The following HINT3 variants were observed in gnomAD, a reference collection of about 807,000 sequenced individuals.
HINT3 encodes the protein histidine triad nucleotide binding protein 3, also known as adenosine 5'-monophosphoramidase HINT3.
HINT3 carries 16 observed loss-of-function variants against 19.1 expected under a neutral mutation model. The ratio of observed to expected loss-of-function variants is 0.84; its 90% CI spans 0.57 to 1.27. The LOEUF (loss-of-function observed/expected upper bound fraction) is 1.27, where lower values mean the gene tolerates loss of function less well. Ranked by LOEUF, HINT3 falls within the 50% of genes most tolerant of loss-of-function variation. The pLI is 0.00. For missense variants in HINT3, 197 were observed against 225.8 expected (o/e 0.87, Z 0.82); for synonymous variants, 75 against 84.8 (o/e 0.88, Z 0.63).
intron 1 of HINT3, among the ~76,000 whole-genome samples, chr6:125,961,764 T>C (rs56738786): frequency 1.3e-3 from 202 of 151,938 alleles, no homozygotes; most frequent in African/African-American, 4.6e-3. Flanking sequence ...TTTTATGGAG[T>C]CTTCATTGGA....
At position 125,964,969 on chromosome 6, in the gene HINT3, C is replaced by G. The variant is rs186874581; in HGVS notation, c.202-1918C>G. ...GTAGGCTAACTAAAACATCAAGTTT[C>G]TATATTTTTGAGAGGAATTTTATCT... On this transcript the variant is annotated intron_variant, in intron 1 of 4. Coordinates refer to ENST00000229633, the MANE Select transcript of HINT3 (RefSeq NM_138571.5). Among the ~76,000 whole-genome samples, 201 of 152,030 alleles carry G rather than the reference C, an allele frequency of 1.3e-3. 2 individuals are homozygous for G. The highest frequency in any genetic ancestry group is 1.3e-3 in the Non-Finnish European group (90 of 67,960).
intron 1 of HINT3, among the ~76,000 whole-genome samples, chr6:125,965,547 G>A (rs577823628): frequency 5.9e-5 from 9 of 152,224 alleles, no homozygotes; most frequent in African/African-American, 1.9e-4. Flanking sequence ...GATCGCTTGA[G>A]TCCAGGAGTT....
intron 4 of HINT3, among the ~76,000 whole-genome samples, chr6:125,976,623 GA>G (rs1317207574): frequency 3.5e-5 from 5 of 143,314 alleles, no homozygotes; most frequent in Non-Finnish European, 7.5e-5. Context: ...AAAGATGAAT[GA>G]AAATACATTT....
intron 1 of HINT3, among the ~76,000 whole-genome samples, chr6:125,961,440 A>G (rs1788924908): frequency 6.6e-6 from 1 of 152,168 alleles, no homozygotes. Context: ...AGTCCCCAAG[A>G]CTGGCCTGCC....
At chr6:125,976,271 T>A (rs1422662604) in intron 4 of HINT3, among the ~76,000 whole-genome samples, 1 of 151,940 alleles carries the variant, frequency 6.6e-6, no homozygotes, top group East Asian at 1.9e-4. Context: ...ATTAGCTGGG[T>A]ATGGTGGTGC....
At chr6:125,974,786 C>T in intron 3 of HINT3, 61 bp from the exon 4 acceptor site, 1 of 1,549,782 alleles carries the variant, frequency 6.5e-7, no homozygotes, top group South Asian at 1.2e-5. Context: ...TGTGTTTTCA[C>T]CTGAAAAATG....
At position 125,973,065 on chromosome 6, in the gene HINT3, CTTTTTTTTTT is replaced by C. The variant is rs869084942; in HGVS notation, c.389+756_389+765del. On this transcript the variant is annotated intron_variant, in intron 3 of 4. Coordinates refer to ENST00000229633, the MANE Select transcript of HINT3 (RefSeq NM_138571.5). ...AAGCACATGATGTTCAATTTTTCAA[CTTTTTTTTTT>C]TTTTTTTTTTTTTTTTTTGAGACGG... is the stretch of plus-strand genomic sequence containing the variant. Among the ~76,000 whole-genome samples, 191 of 74,482 alleles carry C rather than the reference CTTTTTTTTTT, an allele frequency of 2.6e-3. 1 individual carries two copies. The highest frequency in any genetic ancestry group is 7.3e-3 in the African/African-American group (137 of 18,660). The allele number at this position is 74,482 out of a possible 152,430, so 48.9% of individuals were successfully genotyped here.
chr6:125,959,547 A>C (rs1290847326), intron 1 of HINT3, among the ~76,000 whole-genome samples: 1 of 152,180 alleles, frequency 6.6e-6, no homozygotes, highest in Non-Finnish European at 1.5e-5. Context: ...TGAGGAGAGC[A>C]ATTTCATGAA....
chr6:125,976,674 T>G (rs924714878), intron 4 of HINT3, among the ~76,000 whole-genome samples: 3 of 152,012 alleles, frequency 2.0e-5, no homozygotes, highest in African/African-American at 7.2e-5. Flanking sequence ...GGAAATACTT[T>G]TTTACTTGGA....
intron 4 of HINT3, among the ~76,000 whole-genome samples, chr6:125,976,229 T>C (rs1313701416): frequency 3.3e-5 from 5 of 152,080 alleles, no homozygotes; most frequent in Non-Finnish European, 5.9e-5. Flanking sequence ...GTTGCCCAGA[T>C]GATTTCATTT....
intron 2 of HINT3, 89 bp downstream of exon 2, chr6:125,967,093 A>G: frequency 1.3e-6 from 1 of 756,924 alleles, no homozygotes; most frequent in Non-Finnish European, 2.1e-6. Flanking sequence ...AAGTCTAGTT[A>G]AGTACTGTGA....
At position 125,962,213 on chromosome 6, in the gene HINT3, C is replaced by CACAT. The variant is rs1379047401; in HGVS notation, c.202-4673_202-4672insCATA. ...ACATATATATATATATATATATACA[C>CACAT]ATATATATATATATATATATACACA... On this transcript the variant is annotated intron_variant, in intron 1 of 4. Transcript: ENST00000229633. 9.6e-4 allele frequency among the ~76,000 whole-genome samples: 35 copies of CACAT among 36,292 alleles called. 5 individuals are homozygous for CACAT. Among genetic ancestry groups the CACAT allele is most frequent in the Admixed American group, 5.4e-3 (16 of 2,958 alleles). 23.8% of individuals were successfully genotyped at this position (36,292 alleles called of 152,430 possible).
In HINT3 at chr6:125,977,629, G is replaced by GT. The variant is rs1562216175; in HGVS notation, c.517-9dup. 3 of 1,379,638 alleles carry GT rather than the reference G, an allele frequency of 2.2e-6. No homozygotes were observed. Among genetic ancestry groups the GT allele is most frequent in the South Asian group, 1.3e-5 (1 of 76,348 alleles). 85.5% of individuals were successfully genotyped at this position (1,379,638 alleles called of 1,614,324 possible). On this transcript the variant is annotated splice_polypyrimidine_tract_variant and intron_variant, in intron 4 of 4. Transcript: ENST00000229633. Reference sequence around the variant, plus strand: ...TATGATATCTAGAATTAAAAAGTATGTTTTTTAATTACAGGCTGATCACTT... The same window carrying GT: ...TATGATATCTAGAATTAAAAAGTATGTTTTTTTAATTACAGGCTGATCACTT...
At chr6:125,976,873 C>T (rs1034665985) in intron 4 of HINT3, among the ~76,000 whole-genome samples, 2 of 152,236 alleles carry the variant, frequency 1.3e-5, no homozygotes, top group African/African-American at 4.8e-5. Context: ...TGATGTAACT[C>T]ACAGACTTTA....
intron 4 of HINT3, 129 bp from the exon 5 acceptor site, chr6:125,977,515 G>C (rs776593639): frequency 6.9e-6 from 3 of 433,028 alleles, no homozygotes; most frequent in African/African-American, 2.0e-5. Flanking sequence ...TTTTTTGTAA[G>C]ATATTTTTAG....
chr6:125,969,408 C>T (rs73590251), intron 2 of HINT3, among the ~76,000 whole-genome samples: 2,625 of 152,178 alleles, frequency 0.017, 77 homozygotes, highest in African/African-American at 0.06. Flanking sequence ...GTTATATAGA[C>T]TTATAGTATA....
chr6:125,965,217 T>G (rs1789000762), intron 1 of HINT3, among the ~76,000 whole-genome samples: 2 of 152,214 alleles, frequency 1.3e-5, no homozygotes, highest in African/African-American at 4.8e-5. Context: ...GCTTTTCTCC[T>G]GCTAGCCATT....
Position 125,977,694 on chromosome 6 carries a change from G to A in HINT3, c.*18G>A. On this transcript the variant is annotated 3_prime_UTR_variant, in exon 5 of 5. Coordinates refer to ENST00000229633, the MANE Select transcript of HINT3 (RefSeq NM_138571.5). ...GAACATGAAAATGTCAAGAGTGGAA[G>A]ATTTTTCTAATCTTGGTTCAGCATG... is the stretch of plus-strand genomic sequence containing the variant. 6.8e-7 allele frequency: 1 copy of A among 1,471,630 alleles called. No individual in the cohort carries two copies. The highest frequency in any genetic ancestry group is 1.3e-5 in the South Asian group (1 of 77,018). The allele number at this position is 1,471,630 out of a possible 1,614,324, so 91.2% of individuals were successfully genotyped here.
intron 4 of HINT3, among the ~76,000 whole-genome samples, chr6:125,977,141 G>C (rs896912270): frequency 2.0e-5 from 3 of 152,104 alleles, no homozygotes; most frequent in Admixed American, 6.5e-5. Context: ...AAATGTATAA[G>C]GACATGTATC....
Sources: allele counts gnomAD v4.1 joint callset (sites outside exome capture counted in the v4.1 genomes callset), GRCh38; gene constraint gnomAD v4.1.1; transcripts MANE v1.5; gene names NCBI Gene and HGNC (gene_info 2026-07-23, HGNC 2026-07-21).